Variants in SP140 observed in about 807,000 individuals in gnomAD.
SP140 encodes the protein nuclear body protein SP140.
A neutral mutation model predicts 125.0 loss-of-function variants in SP140; 81 were observed. That is an observed-to-expected ratio of 0.65 (90% CI 0.54 to 0.78). The LOEUF (loss-of-function observed/expected upper bound fraction) is 0.78. Ranked by LOEUF, SP140 falls within the 30% of genes least tolerant of loss-of-function variation. The pLI, the probability that SP140 is intolerant of heterozygous loss-of-function variation, is 0.00. For synonymous variants in SP140, 312 were observed against 354.0 expected, an observed-to-expected ratio of 0.88 and a Z score of 1.33; for missense variants, 858 against 1,037.0, an observed-to-expected ratio of 0.83 and a Z score of 2.37.
chr2:230,201,052 G>GT, upstream of SP140: 1 of 1,020,878 alleles, frequency 9.8e-7, no homozygotes, highest in Non-Finnish European at 1.6e-6. Context: ...TGCACACTCT[G>GT]AAGTTGAGTC....
intron 22 of SP140, among the ~76,000 whole-genome samples, chr2:230,308,237 G>C (rs1212145264): frequency 1.3e-5 from 2 of 151,858 alleles, no homozygotes; most frequent in Non-Finnish European, 2.9e-5. Flanking sequence ...GGGACTGAGA[G>C]GGAAGGGTGG....
chr2:230,293,069 G>A (rs2057311233), intron 20 of SP140, among the ~76,000 whole-genome samples: 1 of 152,192 alleles, frequency 6.6e-6, no homozygotes, highest in African/African-American at 2.4e-5. Flanking sequence ...CTGAAAGAAA[G>A]AAGGGAGTTG....
At chr2:230,208,678 G>A (rs146390307) in intron 1 of SP140, among the ~76,000 whole-genome samples, 87 of 152,320 alleles carry the variant, frequency 5.7e-4, no homozygotes, top group Non-Finnish European at 1.1e-3. Flanking sequence ...ATTGCAGGAA[G>A]TAGCATTGTC....
intron 19 of SP140, among the ~76,000 whole-genome samples, chr2:230,292,109 T>C (rs1161539191): frequency 1.3e-5 from 2 of 152,224 alleles, no homozygotes; most frequent in African/African-American, 2.4e-5. Context: ...CAGCTACCTG[T>C]GATTGCAGGG....
At chr2:230,300,940 G>T (rs1339084577) in intron 22 of SP140, among the ~76,000 whole-genome samples, 1 of 152,114 alleles carries the variant, frequency 6.6e-6, no homozygotes, top group Non-Finnish European at 1.5e-5. Flanking sequence ...CAGAGAAATA[G>T]ATATCATAAA....
intron 1 of SP140, chr2:230,208,017 C>T (rs749941138): frequency 9.6e-6 from 15 of 1,567,788 alleles, no homozygotes; most frequent in Non-Finnish European, 1.2e-5. Flanking sequence ...TTTCTTATGT[C>T]TCCTTTTTGG....
At chr2:230,288,096 A>G in intron 18 of SP140, 130 bp downstream of exon 18, 2 of 753,210 alleles carry the variant, frequency 2.7e-6, no homozygotes, top group Non-Finnish European at 2.0e-6. Flanking sequence ...TGAGAAATGT[A>G]TCCTATTTAG....
chr2:230,269,507 C>T, intron 12 of SP140, 25 bp from the exon 13 acceptor site: 2 of 1,417,132 alleles, frequency 1.4e-6, no homozygotes, highest in Non-Finnish European at 2.0e-6. Flanking sequence ...GATCCTTGGA[C>T]AATAATTTTC....
At chr2:230,230,175 A>G (rs1348208787) in intron 1 of SP140, among the ~76,000 whole-genome samples, 1 of 152,068 alleles carries the variant, frequency 6.6e-6, no homozygotes, top group Non-Finnish European at 1.5e-5. Flanking sequence ...AGGCTTTTTA[A>G]AGGATAGTTA....
At chr2:230,272,617 A>G (rs1456233427) in intron 15 of SP140, among the ~76,000 whole-genome samples, 1 of 152,186 alleles carries the variant, frequency 6.6e-6, no homozygotes, top group Non-Finnish European at 1.5e-5. Flanking sequence ...CCCCAGCCAC[A>G]TGGAACTGTA....
chr2:230,219,898 G>A, intron 3 of SP140: 2 of 985,002 alleles, frequency 2.0e-6, no homozygotes, highest in Non-Finnish European at 1.2e-6. Flanking sequence ...TGTCGTTCCT[G>A]CCCCTTTCCA....
chr2:230,189,539 C>T, the SP140 span, among the ~76,000 whole-genome samples: 499 of 152,218 alleles, frequency 3.3e-3, 3 homozygotes, highest in African/African-American at 0.011. Flanking sequence ...CCACTGTGAT[C>T]TGAGGAGATA....
chr2:230,241,804 C>T (rs536043093), intron 4 of SP140, among the ~76,000 whole-genome samples: 1 of 152,304 alleles, frequency 6.6e-6, no homozygotes, highest in South Asian at 2.1e-4. Context: ...AAAAGTCCTA[C>T]CCTCCGAGGT....
chr2:230,202,472 T>C (rs1184827596), upstream of SP140: 3 of 1,044,716 alleles, frequency 2.9e-6, no homozygotes, highest in African/African-American at 3.2e-5. Flanking sequence ...CTCTGTACTT[T>C]TTCCTTTTAC....
chr2:230,312,458 G>A, intron 26 of SP140, 128 bp from the exon 27 acceptor site: 3 of 592,414 alleles, frequency 5.1e-6, no homozygotes, highest in East Asian at 3.2e-5. Flanking sequence ...CAAAATATAT[G>A]CCATTATAAA....
intron 1 of SP140, among the ~76,000 whole-genome samples, chr2:230,235,297 C>T (rs2047808149): frequency 6.6e-6 from 1 of 152,200 alleles, no homozygotes; most frequent in African/African-American, 2.4e-5. Flanking sequence ...AAGCATCCTC[C>T]ACCTTCAATA....
chr2:230,286,979 G>A (rs958252685), intron 17 of SP140, among the ~76,000 whole-genome samples: 2 of 152,150 alleles, frequency 1.3e-5, no homozygotes, highest in African/African-American at 4.8e-5. Context: ...GGTGGTCATT[G>A]GATGGTGGAC....
Position 230,216,821 on chromosome 2 carries a change from C to G in SP140, c.-91+2747C>G, listed in dbSNP as rs1040601439. 1.9e-6 allele frequency: 3 copies of G among 1,614,062 alleles called. No homozygotes were observed. The East Asian group carries it at 6.7e-5, about 36-fold the overall frequency. ...AGTGATGATGGAGTTGTCTAGGAGG[C>G]CTTCAAAGAAGGGAAATGGCTTGTG... On this transcript the variant is annotated intron_variant, in intron 3 of 4. Coordinates refer to the SP140 transcript ENST00000456542.
At chr2:230,215,519 G>C (rs184626364) in intron 3 of SP140, among the ~76,000 whole-genome samples, 21 of 152,300 alleles carry the variant, frequency 1.4e-4, no homozygotes, top group Admixed American at 7.8e-4. Flanking sequence ...CAATTCTGCT[G>C]GTTGCTTGTG....
Sources: allele counts gnomAD v4.1 joint callset (sites outside exome capture counted in the v4.1 genomes callset), GRCh38; gene constraint gnomAD v4.1.1; transcripts MANE v1.5; gene names NCBI Gene and HGNC (gene_info 2026-07-23, HGNC 2026-07-21).